ROS1: variants seen among roughly 807,000 people sequenced by gnomAD.
The protein encoded by ROS1 is ROS proto-oncogene 1, receptor tyrosine kinase, also known as proto-oncogene tyrosine-protein kinase ROS.
ROS1 carries 263 observed loss-of-function variants against 273.5 expected under a neutral mutation model. That is an observed-to-expected ratio of 0.96 (90% CI 0.87 to 1.06). ROS1 has a LOEUF of 1.06. Among genes scored for constraint, ROS1 ranks in the 50% least tolerant of loss-of-function variants. The probability of loss-of-function intolerance (pLI) is 0.00; values close to 1 mark genes in which losing one functional copy is unlikely to be tolerated. For missense variants in ROS1, 2,833 were observed against 2,751.1 expected (o/e 1.03, Z -0.67); for synonymous variants, 1,008 against 954.1 (o/e 1.06, Z -1.04).
At chr6:117,375,094 A>G (rs1781202947) in intron 18 of ROS1, among the ~76,000 whole-genome samples, 2 of 152,220 alleles carry the variant, frequency 1.3e-5, no homozygotes, top group Admixed American at 6.5e-5. Context: ...GTGTATATAT[A>G]ATGGAATACT....
In ROS1 at chr6:117,385,812, G is replaced by T. The variant is rs368540212; in HGVS notation, c.2160C>A (p.Asp720Glu). The change falls in exon 16 of 44, where the codon GAC (aspartate) becomes GAA (glutamate). Residue 720 changes from aspartate to glutamate, a missense_variant. By Grantham distance (45) the Asp-to-Glu change is conservative (BLOSUM62 2). Transcript: ENST00000368507. The part of the protein sequence containing the change: ...NSLYYSDTKG[D>E]VFVWLLNGTD... ...TCCCATTCAGCAGCCACACAAAAAC[G>T]TCGCCTTTCGTGTCACTGTAGTAGA... The T allele has an allele frequency of 1.2e-5, 19 of 1,613,972 alleles. No individual in the cohort carries two copies. The highest frequency in any genetic ancestry group is 2.7e-5 in the African/African-American group (2 of 74,902).
chr6:117,320,092 G>T, intron 36 of ROS1, 62 bp from the exon 37 acceptor site: 1 of 1,413,884 alleles, frequency 7.1e-7, no homozygotes, highest in Non-Finnish European at 9.8e-7. Flanking sequence ...ACAAGTTTGT[G>T]TTGGTATTGG....
At chr6:117,394,497 T>C (rs1773332501) in intron 10 of ROS1, 119 bp downstream of exon 10, 1 of 859,762 alleles carries the variant, frequency 1.2e-6, no homozygotes, top group Non-Finnish European at 1.6e-6. Context: ...TATTCTAATA[T>C]ATTAGGATAT....
At chr6:117,344,309 T>C in intron 27 of ROS1, 47 bp from the exon 28 acceptor site, 2 of 1,344,532 alleles carry the variant, frequency 1.5e-6, no homozygotes, top group Non-Finnish European at 1.0e-6. Flanking sequence ...ACTATATATA[T>C]GAGAGGAAAA....
At chr6:117,371,652 G>A (rs1780783768) in intron 18 of ROS1, among the ~76,000 whole-genome samples, 2 of 152,168 alleles carry the variant, frequency 1.3e-5, no homozygotes, top group Admixed American at 1.3e-4. Flanking sequence ...AAACCTGAAA[G>A]CCCTACTTGC....
intron 13 of ROS1, 87 bp from the exon 14 acceptor site, chr6:117,388,079 T>A: frequency 1.3e-6 from 2 of 1,584,946 alleles, no homozygotes; most frequent in Non-Finnish European, 1.7e-6. Flanking sequence ...ACCTACAGCC[T>A]CATCTCAAAT....
At chr6:117,399,748 A>G (rs1430312626) in intron 7 of ROS1, among the ~76,000 whole-genome samples, 1 of 152,202 alleles carries the variant, frequency 6.6e-6, no homozygotes, top group East Asian at 1.9e-4. Flanking sequence ...CACATCTTCA[A>G]AATAATAAGT....
intron 27 of ROS1, among the ~76,000 whole-genome samples, chr6:117,346,174 C>A (rs1400483590): frequency 1.3e-5 from 2 of 152,104 alleles, no homozygotes; most frequent in African/African-American, 2.4e-5. Context: ...TTTTGTCGTT[C>A]TTTTATTTAA....
At chr6:117,416,820 G>T (rs143862832) in intron 2 of ROS1, among the ~76,000 whole-genome samples, 3 of 152,222 alleles carry the variant, frequency 2.0e-5, no homozygotes, top group Non-Finnish European at 4.4e-5. Context: ...TGAAAACCCT[G>T]AGTTGCCCTG....
At chr6:117,321,591 C>A (rs1776296926) in intron 35 of ROS1, among the ~76,000 whole-genome samples, 197 bp from the exon 36 acceptor site, 1 of 152,036 alleles carries the variant, frequency 6.6e-6, no homozygotes, top group Non-Finnish European at 1.5e-5. Context: ...TATATAAGTA[C>A]ACAAATCATA....
At chr6:117,335,929 C>T (rs766549439) in intron 32 of ROS1, among the ~76,000 whole-genome samples, 1 of 151,828 alleles carries the variant, frequency 6.6e-6, no homozygotes, top group Non-Finnish European at 1.5e-5. Context: ...CAACCCTGCA[C>T]GTTCTGCACA....
At chr6:117,315,823 G>A (rs763706662) in intron 39 of ROS1, among the ~76,000 whole-genome samples, 8 of 152,082 alleles carry the variant, frequency 5.3e-5, no homozygotes, top group Non-Finnish European at 1.0e-4. Flanking sequence ...TAGAGCACAA[G>A]CATCCACACT....
Position 117,287,533 on chromosome 6 carries a change from A to G in ROS1, c.*959T>C, listed in dbSNP as rs1027929598. 3.3e-5 allele frequency among the ~76,000 whole-genome samples: 5 copies of G among 152,234 alleles called. No individual in the cohort carries two copies. The highest frequency in any genetic ancestry group is 7.3e-5 in the Non-Finnish European group (5 of 68,048). Reference sequence around the variant, plus strand: ...TGAAGATTACAGAATGCAAAACTTCAGGACTTAAAAGATCTTCACAGTCTT... The same window carrying G: ...TGAAGATTACAGAATGCAAAACTTCGGGACTTAAAAGATCTTCACAGTCTT... On this transcript the variant is annotated 3_prime_UTR_variant, in exon 44 of 44. Coordinates refer to ENST00000368507, the MANE Select transcript of ROS1 (RefSeq NM_001378902.1).
chr6:117,405,302 C>T (rs1774308139), intron 5 of ROS1, among the ~76,000 whole-genome samples: 1 of 152,158 alleles, frequency 6.6e-6, no homozygotes, highest in Non-Finnish European at 1.5e-5. Context: ...CTCTGTAATC[C>T]AGAAAAATCA....
At chr6:117,397,847 T>C (rs1437567475) in intron 7 of ROS1, among the ~76,000 whole-genome samples, 1 of 152,214 alleles carries the variant, frequency 6.6e-6, no homozygotes, top group Non-Finnish European at 1.5e-5. Context: ...CCACCTGCTT[T>C]TCAAACCAAA....
chr6:117,307,249 GT>G (rs1006656950), intron 42 of ROS1, among the ~76,000 whole-genome samples: 92 of 152,220 alleles, frequency 6.0e-4, no homozygotes, highest in African/African-American at 2.1e-3. Context: ...AAAACTGATA[GT>G]TTAGTGATCA....
chr6:117,402,883 G>T (rs1197955118), intron 7 of ROS1, among the ~76,000 whole-genome samples: 3 of 95,310 alleles, frequency 3.1e-5, no homozygotes, highest in African/African-American at 1.8e-4. Flanking sequence ...GCAAGACTCT[G>T]TCTCCAAAAA....
intron 31 of ROS1, among the ~76,000 whole-genome samples, chr6:117,338,469 T>G (rs1215608356): frequency 6.6e-6 from 1 of 151,412 alleles, no homozygotes; most frequent in Non-Finnish European, 1.5e-5. Context: ...CTTAATAGCT[T>G]AATGAAACGG....
At chr6:117,333,337 T>G (rs369401376) in intron 32 of ROS1, among the ~76,000 whole-genome samples, 2 of 152,264 alleles carry the variant, frequency 1.3e-5, no homozygotes, top group East Asian at 1.9e-4. Context: ...AGCTCTGGAA[T>G]GGAGGCAGTA....
Sources: gnomAD v4.1 joint callset for allele counts (sites outside exome capture counted in the v4.1 genomes callset) on GRCh38, gnomAD v4.1.1 for gene constraint, MANE v1.5 for transcripts, NCBI Gene and HGNC (gene_info 2026-07-23, HGNC 2026-07-21) for gene names.